The following ATP9B variants were observed in gnomAD, a reference collection of about 807,000 sequenced individuals.
The protein encoded by ATP9B is ATPase phospholipid transporting 9B.
A neutral mutation model predicts 146.1 loss-of-function variants in ATP9B; 110 were observed. The ratio of observed to expected loss-of-function variants is 0.75; its 90% CI spans 0.65 to 0.88. The LOEUF is 0.88. Ranked by LOEUF, ATP9B falls within the 40% of genes least tolerant of loss-of-function variation. The pLI, the probability that ATP9B is intolerant of heterozygous loss-of-function variation, is 0.00. For synonymous variants in ATP9B, 604 were observed against 569.7 expected (o/e 1.06, Z -0.86); for missense variants, 1,499 against 1,496.4 (o/e 1.00, Z -0.03).
intron 11 of ATP9B, among the ~76,000 whole-genome samples, chr18:79,245,006 T>TTGG (rs2095929588): frequency 6.6e-6 from 1 of 152,206 alleles, no homozygotes; most frequent in Admixed American, 6.5e-5. Context: ...AGTGTGTGCC[T>TTGG]TGTAAAGAAG....
intron 11 of ATP9B, among the ~76,000 whole-genome samples, chr18:79,252,464 T>C (rs1464902877): frequency 6.6e-6 from 1 of 152,180 alleles, no homozygotes; most frequent in African/African-American, 2.4e-5. Context: ...GACTGCCTTG[T>C]GGTCTTTCAG....
chr18:79,129,978 G>T (rs1310708248), intron 5 of ATP9B, among the ~76,000 whole-genome samples: 1 of 152,106 alleles, frequency 6.6e-6, no homozygotes, highest in Non-Finnish European at 1.5e-5. Context: ...CTGACCTCAG[G>T]TGATCCACTT....
chr18:79,355,886 C>T (rs549190297), intron 25 of ATP9B, among the ~76,000 whole-genome samples: 1 of 152,126 alleles, frequency 6.6e-6, no homozygotes, highest in South Asian at 2.1e-4. Context: ...AGACGGGGTA[C>T]GTTGGGGATG....
chr18:79,137,733 C>T (rs914956175), intron 5 of ATP9B, among the ~76,000 whole-genome samples: 7 of 152,212 alleles, frequency 4.6e-5, no homozygotes, highest in Non-Finnish European at 8.8e-5. Context: ...GTGGCCTCCG[C>T]ACTGTTTCCT....
chr18:79,371,963 G>A (rs562077307), intron 26 of ATP9B, among the ~76,000 whole-genome samples: 2 of 152,344 alleles, frequency 1.3e-5, no homozygotes, highest in Admixed American at 1.3e-4. Flanking sequence ...GTCTGTAAAT[G>A]GAAACGACGT....
chr18:79,251,238 G>T (rs546600065), intron 11 of ATP9B, among the ~76,000 whole-genome samples: 1 of 152,222 alleles, frequency 6.6e-6, no homozygotes, highest in African/African-American at 2.4e-5. Context: ...GCTGAATGCG[G>T]CATCCCGTCT....
At chr18:79,275,545 A>C (rs149402475) in intron 12 of ATP9B, among the ~76,000 whole-genome samples, 1 of 152,360 alleles carries the variant, frequency 6.6e-6, no homozygotes, top group Non-Finnish European at 1.5e-5. Flanking sequence ...TTTGGCAGGC[A>C]GCAGTTCACA....
At position 79,069,636 on chromosome 18, in the gene ATP9B, C is replaced by G. The variant is rs114151109; in HGVS notation, c.119+107C>G. 5,718 of 680,990 alleles carry G rather than the reference C, an allele frequency of 8.4e-3. 288 individuals carry two copies. The African/African-American group carries it at 0.097, about 12-fold the overall frequency. The allele number at this position is 680,990 out of a possible 1,614,324, so 42.2% of individuals were successfully genotyped here. On this transcript the variant is annotated intron_variant, in intron 1 of 29. Transcript: ENST00000426216. ...GGTCTGGGGTCGCTACCGGCGCGCC[C>G]CATCTGTTCGCTGGGAGCCGGGAGT...
intron 9 of ATP9B, chr18:79,194,707 G>C (rs2095402423): frequency 6.6e-6 from 1 of 152,202 alleles, no homozygotes; most frequent in Non-Finnish European, 1.5e-5. Flanking sequence ...AACTATGAGA[G>C]TAGAGAGTTT....
chr18:79,329,816 A>G (rs1245193570), intron 16 of ATP9B, among the ~76,000 whole-genome samples, 196 bp from the exon 17 acceptor site: 1 of 152,226 alleles, frequency 6.6e-6, no homozygotes, highest in Non-Finnish European at 1.5e-5. Context: ...ATGCACAATT[A>G]TGTTCTCAGT....
At chr18:79,170,189 C>G (rs9304050) in intron 7 of ATP9B, among the ~76,000 whole-genome samples, 47,314 of 151,992 alleles carry the variant, frequency 0.31, 9,406 homozygotes, top group African/African-American at 0.58. Context: ...CGGCTCTGTC[C>G]GATGAGCACA....
At chr18:79,361,816 C>T (rs7243979) in intron 26 of ATP9B, 388,794 of 984,418 alleles carry the variant, frequency 0.39, 77,502 homozygotes, top group Middle Eastern at 0.51. Context: ...GATGTGCCAA[C>T]GCAGTTTATC....
chr18:79,347,930 TAA>T lies in ATP9B; in HGVS notation c.2838+6_2838+7del. ...CTTATCATCTCCACCATGCAGGTACTAAGCCTTCTGTGCTGGCACCCATGGAG... is the reference window on the plus strand; with the variant it reads ...CTTATCATCTCCACCATGCAGGTACTGCCTTCTGTGCTGGCACCCATGGAG... On this transcript the variant is annotated splice_donor_region_variant and intron_variant, in intron 24 of 29. Transcript: ENST00000426216. The T allele has an allele frequency of 6.2e-7, 1 of 1,610,526 alleles. No homozygotes were observed. The highest frequency in any genetic ancestry group is 8.5e-7 in the Non-Finnish European group (1 of 1,179,298).
chr18:79,192,826 G>T (rs545502855), intron 8 of ATP9B, among the ~76,000 whole-genome samples: 1 of 152,224 alleles, frequency 6.6e-6, no homozygotes, highest in African/African-American at 2.4e-5. Context: ...GAATTGCGAT[G>T]GTTCCTTATT....
intron 9 of ATP9B, among the ~76,000 whole-genome samples, chr18:79,205,603 C>T (rs1282529170): frequency 2.0e-5 from 3 of 151,996 alleles, no homozygotes; most frequent in Non-Finnish European, 4.4e-5. Context: ...GTGGCTTTTA[C>T]CCTATCCAGA....
intron 4 of ATP9B, among the ~76,000 whole-genome samples, chr18:79,121,542 C>G (rs1007790766): frequency 6.6e-6 from 1 of 152,178 alleles, no homozygotes; most frequent in Non-Finnish European, 1.5e-5. Flanking sequence ...TAAACTCTTA[C>G]GGGTAGAGGC....
At chr18:79,164,470 C>G (rs1301060930) in intron 7 of ATP9B, among the ~76,000 whole-genome samples, 1 of 152,060 alleles carries the variant, frequency 6.6e-6, no homozygotes, top group African/African-American at 2.4e-5. Flanking sequence ...AATCCCAGCA[C>G]TTTGGGAGGC....
chr18:79,092,508 A>G (rs2074412523), intron 1 of ATP9B, among the ~76,000 whole-genome samples: 1 of 152,174 alleles, frequency 6.6e-6, no homozygotes, highest in Admixed American at 6.5e-5. Context: ...TAATTTTTAA[A>G]AACTTATTGA....
At chr18:79,283,761 A>G (rs754664070) in intron 13 of ATP9B, among the ~76,000 whole-genome samples, 1 of 152,244 alleles carries the variant, frequency 6.6e-6, no homozygotes, top group African/African-American at 2.4e-5. Flanking sequence ...ACGCCGGCTG[A>G]TAAATGAACA....
Sources: gnomAD v4.1 joint callset for allele counts (sites outside exome capture counted in the v4.1 genomes callset) on GRCh38, gnomAD v4.1.1 for gene constraint, MANE v1.5 for transcripts, NCBI Gene and HGNC (gene_info 2026-07-23, HGNC 2026-07-21) for gene names.